FZD2: variants seen among roughly 807,000 people sequenced by gnomAD.
FZD2 encodes frizzled class receptor 2.
Under a neutral mutation model 36.7 loss-of-function variants are expected in FZD2, and 17 were observed. The observed-to-expected ratio is 0.46, with a 90% CI of 0.32 to 0.70. The LOEUF is 0.70. Among genes scored for constraint, FZD2 ranks in the 30% least tolerant of loss-of-function variants. The pLI, the probability that FZD2 is intolerant of heterozygous loss-of-function variation, is 0.04. For missense variants in FZD2, 525 were observed against 805.6 expected (o/e 0.65, Z 4.22); for synonymous variants, 333 against 359.6 (o/e 0.93, Z 0.84).
In FZD2 at chr17:44,558,187, G is replaced by C; in HGVS notation, c.499G>C (p.Ala167Pro). 6.7e-7 allele frequency: 1 copy of C among 1,499,396 alleles called. No homozygotes were observed. Among genetic ancestry groups the C allele is most frequent in the South Asian group, 1.3e-5 (1 of 75,520 alleles). 92.9% of individuals were successfully genotyped at this position (1,499,396 alleles called of 1,614,324 possible). The change falls in exon 1 of 1, where the codon GCG becomes CCG. Residue 167 changes from alanine to proline, a missense_variant. Ala to Pro is a conservative substitution (Grantham distance 27). Around this residue, in one of 5 missense-constraint regions of FZD2, gnomAD observed 257 missense variants for 344.4 expected, o/e 0.75. Transcript: ENST00000315323. This position sits in a 1 kb window ranked among gnomAD's most constrained non-coding sequence, Gnocchi z 9.3. ...CGGAGCTCCCGCGCTACTCACCACC[G>C]CGCCGCCGCCGGGACTGCAGCCGGG... is the stretch of plus-strand genomic sequence containing the variant. Reference protein sequence around the residue: ...EDGAPALLTTAPPPGLQPGAG... With the variant: ...EDGAPALLTTPPPPGLQPGAG...
Position 44,560,954 on chromosome 17 carries a change from T to C in FZD2, c.*1568T>C, listed in dbSNP as rs1970881632. Among the ~76,000 whole-genome samples the C allele has an allele frequency of 6.6e-6, 1 of 152,216 alleles. No individual in the cohort carries two copies. Among genetic ancestry groups the C allele is most frequent in the Non-Finnish European group, 1.5e-5 (1 of 68,038 alleles). On this transcript the variant is annotated 3_prime_UTR_variant, in exon 1 of 1. Coordinates refer to ENST00000315323, the MANE Select transcript of FZD2 (RefSeq NM_001466.4). ...TGGTCTCGAACTCCTGACCTCGTTA[T>C]CTGCCTGCCTCGGCCTCCTAAAGTG...
rs758473079 is a variant in FZD2 at position 44,558,378 on chromosome 17, C to G, written c.690C>G (p.Pro230=). The change falls in exon 1 of 1, where the codon CCC becomes CCG. Residue 230 remains proline, a synonymous_variant. Transcript: ENST00000315323. This position sits in a 1 kb window ranked among gnomAD's most constrained non-coding sequence, Gnocchi z 9.3. ...CTGCGCCCTGCGAACCTGCGCGGCC[C>G]GATGGTTCCATGTTCTTCTCACAGG... ...DCAAPCEPAR[P]DGSMFFSQEE... 4.5e-6 allele frequency: 7 copies of G among 1,539,482 alleles called. No homozygotes were observed. The highest frequency in any genetic ancestry group is 6.1e-6 in the Non-Finnish European group (7 of 1,148,530).
Position 44,559,551 on chromosome 17 carries a change from A to ACT in FZD2, c.*165_*166insCT, listed in dbSNP as rs1970865729. The ACT allele has an allele frequency of 1.3e-6, 1 of 795,156 alleles. No individual in the cohort carries two copies. Among genetic ancestry groups the ACT allele is most frequent in the Non-Finnish European group, 1.8e-6 (1 of 559,414 alleles). The allele number at this position is 795,156 out of a possible 1,614,324, so 49.3% of individuals were successfully genotyped here. ...TGCCCAACACCCCCACAAGGTTTGT[A>ACT]ATTAAAACTGTAAATAGTCTTTGTA... is the stretch of plus-strand genomic sequence containing the variant. On this transcript the variant is annotated 3_prime_UTR_variant, in exon 1 of 1. Transcript: ENST00000315323. This position sits in a 1 kb window ranked among gnomAD's most constrained non-coding sequence, Gnocchi z 4.4.
At position 44,557,706 on chromosome 17, in the gene FZD2, C is replaced by T. The variant is rs1378327801; in HGVS notation, c.18C>T (p.Ala6=). MRPRS[A]LPRLLLPLLL... is the part of the protein sequence containing the mutation. ...CGGCCAGCATGCGGCCCCGCAGCGC[C>T]CTGCCCCGCCTGCTGCTGCCGCTGC... is the stretch of plus-strand genomic sequence containing the variant. Residue 6 remains alanine, a synonymous_variant, in exon 1 of 1, where the codon GCC becomes GCT. Coordinates refer to ENST00000315323, the MANE Select transcript of FZD2 (RefSeq NM_001466.4). This position sits in a 1 kb window ranked among gnomAD's most constrained non-coding sequence, Gnocchi z 4.9. 6 of 1,548,368 alleles carry T rather than the reference C, an allele frequency of 3.9e-6. No homozygotes were observed. The highest frequency in any genetic ancestry group is 1.2e-5 in the South Asian group (1 of 83,266).
In FZD2 at chr17:44,559,826, T is replaced by C. The variant is rs1239964503; in HGVS notation, c.*440T>C. ...TGTTGGCTTTGAGTCGTTAGGAGTTTGTTCCATTCAACTAATATAAAAGCC... is the reference window on the plus strand; with the variant it reads ...TGTTGGCTTTGAGTCGTTAGGAGTTCGTTCCATTCAACTAATATAAAAGCC... On this transcript the variant is annotated 3_prime_UTR_variant, in exon 1 of 1. Coordinates refer to ENST00000315323, the MANE Select transcript of FZD2 (RefSeq NM_001466.4). This position sits in a 1 kb window ranked among gnomAD's most constrained non-coding sequence, Gnocchi z 4.4. Among the ~76,000 whole-genome samples the C allele has an allele frequency of 6.6e-6, 1 of 152,202 alleles. No individual in the cohort carries two copies. The highest frequency in any genetic ancestry group is 2.4e-5 in the African/African-American group (1 of 41,450).
At position 44,558,268 on chromosome 17, in the gene FZD2, A is replaced by C; in HGVS notation, c.580A>C (p.Thr194Pro). The C allele has an allele frequency of 7.0e-7, 1 of 1,418,566 alleles. No individual in the cohort carries two copies. Among genetic ancestry groups the C allele is most frequent in the Non-Finnish European group, 9.2e-7 (1 of 1,091,588 alleles). 87.9% of individuals were successfully genotyped at this position (1,418,566 alleles called of 1,614,324 possible). A position where few individuals can be genotyped will look rare whatever the true frequency, so the allele number is the denominator to read the frequency against. ...CGGCGGCGCTCCCCCGCGCTACGCC[A>C]CGCTGGAGCACCCCTTCCACTGCCC... ...GGGGAPPRYA[T>P]LEHPFHCPRV... The change falls in exon 1 of 1, where the codon ACG becomes CCG. Residue 194 changes from threonine to proline, a missense_variant. Physicochemically the swap from Thr to Pro is conservative, Grantham distance 38. Around this residue, in one of 5 missense-constraint regions of FZD2, gnomAD observed 257 missense variants for 344.4 expected, o/e 0.75. Transcript: ENST00000315323. The surrounding 1 kb of genome is among the most constrained non-coding windows in gnomAD (Gnocchi z 9.3).
Position 44,558,456 on chromosome 17 carries a change from C to T in FZD2, c.768C>T (p.Cys256=), listed in dbSNP as rs369254941. The T allele has an allele frequency of 2.0e-4, 321 of 1,588,238 alleles. 1 individual carries two copies. The highest frequency in any genetic ancestry group is 2.7e-4 in the Non-Finnish European group (311 of 1,168,432). Residue 256 remains cysteine (C), a synonymous_variant, in exon 1 of 1, where the codon TGC becomes TGT. Transcript: ENST00000315323. The surrounding 1 kb of genome is among the most constrained non-coding windows in gnomAD (Gnocchi z 9.3). ...TCCTCACCTGGTCGGTGCTGTGCTGCGCTTCCACCTTCTTCACTGTCACCA... is the reference window on the plus strand; with the variant it reads ...TCCTCACCTGGTCGGTGCTGTGCTGTGCTTCCACCTTCTTCACTGTCACCA... ...LWILTWSVLC[C]ASTFFTVTTY...
Position 44,558,045 on chromosome 17 carries a change from G to A in FZD2, c.357G>A (p.Gln119=). ...PCRSICERAR[Q]GCEALMNKFG... is the part of the protein sequence containing the mutation. ...GCTCTATCTGTGAGCGCGCGCGCCA[G>A]GGCTGCGAAGCCCTCATGAACAAGT... The change falls in exon 1 of 1, where the codon CAG becomes CAA. Residue 119 remains glutamine, a synonymous_variant. Coordinates refer to ENST00000315323, the MANE Select transcript of FZD2 (RefSeq NM_001466.4). The surrounding 1 kb of genome is among the most constrained non-coding windows in gnomAD (Gnocchi z 9.3). 6.2e-7 allele frequency: 1 copy of A among 1,612,332 alleles called. No homozygotes were observed. Among genetic ancestry groups the A allele is most frequent in the Admixed American group, 1.7e-5 (1 of 60,036 alleles).
At position 44,557,715 on chromosome 17, in the gene FZD2, C is replaced by T; in HGVS notation, c.27C>T (p.Arg9=). 5 of 1,583,012 alleles carry T rather than the reference C, an allele frequency of 3.2e-6. No individual in the cohort carries two copies. The highest frequency in any genetic ancestry group is 4.3e-6 in the Non-Finnish European group (5 of 1,166,476). Residue 9 remains arginine, a synonymous_variant, in exon 1 of 1, where the codon CGC becomes CGT. Transcript: ENST00000315323. The surrounding 1 kb of genome is among the most constrained non-coding windows in gnomAD (Gnocchi z 4.9). ...TGCGGCCCCGCAGCGCCCTGCCCCG[C>T]CTGCTGCTGCCGCTGCTGCTGCTGC... MRPRSALP[R]LLLPLLLLPA...
At position 44,558,849 on chromosome 17, in the gene FZD2, C is replaced by T. The variant is rs762262772; in HGVS notation, c.1161C>T (p.Ile387=). The T allele has an allele frequency of 3.1e-5, 50 of 1,613,690 alleles. No individual in the cohort carries two copies. In the Admixed American group the frequency reaches 7.7e-4, roughly 25 times the overall value. ...WAVPAVKTIT[I]LAMGQIDGDL... Reference sequence around the variant, plus strand: ...TGCCGGCCGTCAAGACCATCACCATCCTGGCCATGGGCCAGATCGACGGCG... The same window carrying T: ...TGCCGGCCGTCAAGACCATCACCATTCTGGCCATGGGCCAGATCGACGGCG... Residue 387 remains isoleucine, a synonymous_variant, in exon 1 of 1, where the codon ATC becomes ATT. Transcript: ENST00000315323. The surrounding 1 kb of genome is among the most constrained non-coding windows in gnomAD (Gnocchi z 9.3).
Position 44,558,523 on chromosome 17 carries a change from C to T in FZD2, c.835C>T (p.Pro279Ser), listed in dbSNP as rs1970853634. Reference protein sequence around the residue: ...DMQRFRYPERPIIFLSGCYTM... With the variant: ...DMQRFRYPERSIIFLSGCYTM... ...GCAGCGCTTCCGCTACCCAGAGCGGCCTATCATTTTTCTGTCGGGCTGCTA... is the reference window on the plus strand; with the variant it reads ...GCAGCGCTTCCGCTACCCAGAGCGGTCTATCATTTTTCTGTCGGGCTGCTA... The change falls in exon 1 of 1, where the codon CCT (proline) becomes TCT (serine). Residue 279 changes from proline to serine, a missense_variant. By Grantham distance (74) the Pro-to-Ser change is moderately conservative. Coordinates refer to ENST00000315323, the MANE Select transcript of FZD2 (RefSeq NM_001466.4). This position sits in a 1 kb window ranked among gnomAD's most constrained non-coding sequence, Gnocchi z 9.3. 6.3e-7 allele frequency: 1 copy of T among 1,587,514 alleles called. No homozygotes were observed. The highest frequency in any genetic ancestry group is 1.2e-5 in the South Asian group (1 of 86,496).
Position 44,557,717 on chromosome 17 carries a change from T to TGCTGCTGCC in FZD2, c.38_46dup (p.Pro13_Leu15dup). ...CGGCCCCGCAGCGCCCTGCCCCGCC[T>TGCTGCTGCC]GCTGCTGCCGCTGCTGCTGCTGCCC... On this transcript the variant is annotated inframe_insertion, in exon 1 of 1. Coordinates refer to ENST00000315323, the MANE Select transcript of FZD2 (RefSeq NM_001466.4). This position sits in a 1 kb window ranked among gnomAD's most constrained non-coding sequence, Gnocchi z 4.9. The TGCTGCTGCC allele has an allele frequency of 1.3e-6, 2 of 1,588,772 alleles. No individual in the cohort carries two copies. The highest frequency in any genetic ancestry group is 1.7e-6 in the Non-Finnish European group (2 of 1,169,194).
chr17:44,558,187 GCGC>G lies in FZD2; in HGVS notation c.508_510del (p.Pro170del). The G allele has an allele frequency of 1.3e-6, 2 of 1,499,396 alleles. No homozygotes were observed. Among genetic ancestry groups the G allele is most frequent in the Non-Finnish European group, 1.8e-6 (2 of 1,129,224 alleles). 92.9% of individuals were successfully genotyped at this position (1,499,396 alleles called of 1,614,324 possible). ...CGGAGCTCCCGCGCTACTCACCACCGCGCCGCCGCCGGGACTGCAGCCGGGTGC... is the reference window on the plus strand; with the variant it reads ...CGGAGCTCCCGCGCTACTCACCACCGCGCCGCCGGGACTGCAGCCGGGTGC... On this transcript the variant is annotated inframe_deletion, in exon 1 of 1. Transcript: ENST00000315323. The surrounding 1 kb of genome is among the most constrained non-coding windows in gnomAD (Gnocchi z 9.3).
At position 44,559,032 on chromosome 17, in the gene FZD2, C is replaced by G. The variant is rs765137220; in HGVS notation, c.1344C>G (p.Asp448Glu). 6.2e-7 allele frequency: 1 copy of G among 1,614,062 alleles called. No homozygotes were observed. Among genetic ancestry groups the G allele is most frequent in the Non-Finnish European group, 8.5e-7 (1 of 1,180,044 alleles). Residue 448 changes from aspartate to glutamate, a missense_variant, in exon 1 of 1, where the codon GAC becomes GAG. Physicochemically the swap from Asp to Glu is conservative, Grantham distance 45. Around this residue, in one of 5 missense-constraint regions of FZD2, gnomAD observed 189 missense variants for 298.1 expected, o/e 0.63. Coordinates refer to ENST00000315323, the MANE Select transcript of FZD2 (RefSeq NM_001466.4). This position sits in a 1 kb window ranked among gnomAD's most constrained non-coding sequence, Gnocchi z 4.4. ...LFRIRTIMKH[D>E]GTKTEKLERL... is the part of the protein sequence containing the mutation. Reference sequence around the variant, plus strand: ...GCATCCGCACCATCATGAAGCACGACGGCACCAAGACCGAAAAGCTGGAGC... The same window carrying G: ...GCATCCGCACCATCATGAAGCACGAGGGCACCAAGACCGAAAAGCTGGAGC...
At position 44,559,454 on chromosome 17, in the gene FZD2, T is replaced by C; in HGVS notation, c.*68T>C. ...CGGGGTGGGGCCCCTACAGACTCCGTATTTTATTTTTTTAAATAAAAAACG... is the reference window on the plus strand; with the variant it reads ...CGGGGTGGGGCCCCTACAGACTCCGCATTTTATTTTTTTAAATAAAAAACG... On this transcript the variant is annotated 3_prime_UTR_variant, in exon 1 of 1. Transcript: ENST00000315323. The surrounding 1 kb of genome is among the most constrained non-coding windows in gnomAD (Gnocchi z 4.4). 1 of 1,439,580 alleles carries C rather than the reference T, an allele frequency of 6.9e-7. No individual in the cohort carries two copies. Among genetic ancestry groups the C allele is most frequent in the Non-Finnish European group, 9.1e-7 (1 of 1,098,932 alleles). The allele number at this position is 1,439,580 out of a possible 1,614,324, so 89.2% of individuals were successfully genotyped here.
Position 44,559,558 on chromosome 17 carries a change from A to C in FZD2, c.*172A>C. ...CACCCCCACAAGGTTTGTAATTAAA[A>C]CTGTAAATAGTCTTTGTAAATTTAA... On this transcript the variant is annotated 3_prime_UTR_variant, in exon 1 of 1. Coordinates refer to ENST00000315323, the MANE Select transcript of FZD2 (RefSeq NM_001466.4). This position sits in a 1 kb window ranked among gnomAD's most constrained non-coding sequence, Gnocchi z 4.4. 9 of 719,752 alleles carry C rather than the reference A, an allele frequency of 1.3e-5. No individual in the cohort carries two copies. Among genetic ancestry groups the C allele is most frequent in the East Asian group, 6.6e-5 (2 of 30,524 alleles). 44.6% of individuals were successfully genotyped at this position (719,752 alleles called of 1,614,324 possible).
chr17:44,559,545 G>T lies in FZD2; in HGVS notation c.*159G>T, dbSNP rs937360675. The stretch of plus-strand genomic sequence containing the variant: ...ACTCTCTGCCCAACACCCCCACAAG[G>T]TTTGTAATTAAAACTGTAAATAGTC... On this transcript the variant is annotated 3_prime_UTR_variant, in exon 1 of 1. Coordinates refer to ENST00000315323, the MANE Select transcript of FZD2 (RefSeq NM_001466.4). This position sits in a 1 kb window ranked among gnomAD's most constrained non-coding sequence, Gnocchi z 4.4. 6 of 897,722 alleles carry T rather than the reference G, an allele frequency of 6.7e-6. 1 individual carries two copies. In the African/African-American group the frequency reaches 1.0e-4, roughly 15 times the overall value. 55.6% of individuals were successfully genotyped at this position (897,722 alleles called of 1,614,324 possible). A position where few individuals can be genotyped will look rare whatever the true frequency, so the allele number is the denominator to read the frequency against.
rs1254727248 is a variant in FZD2 at position 44,560,010 on chromosome 17, AC to A, written c.*625del. Among the ~76,000 whole-genome samples, 5 of 144,006 alleles carry A rather than the reference AC, an allele frequency of 3.5e-5. No homozygotes were observed. The highest frequency in any genetic ancestry group is 1.3e-4 in the African/African-American group (5 of 37,364). 94.5% of individuals were successfully genotyped at this position (144,006 alleles called of 152,430 possible). The stretch of plus-strand genomic sequence containing the variant: ...TGGAAAAGTCCCAACAGAGATGAAG[AC>A]GTGGAAAAAAAAATCGGGGTCGGGG... On this transcript the variant is annotated 3_prime_UTR_variant, in exon 1 of 1. Coordinates refer to ENST00000315323, the MANE Select transcript of FZD2 (RefSeq NM_001466.4).
Position 44,558,126 on chromosome 17 carries a change from C to G in FZD2, c.438C>G (p.Ala146=), listed in dbSNP as rs201241608. ...LRCEHFPRHG[A]EQICVGQNHS... is the part of the protein sequence containing the mutation. ...GCGAGCACTTCCCGCGCCACGGCGC[C>G]GAGCAGATCTGCGTCGGCCAGAACC... Residue 146 remains alanine (A), a synonymous_variant, in exon 1 of 1, where the codon GCC becomes GCG. Transcript: ENST00000315323. This position sits in a 1 kb window ranked among gnomAD's most constrained non-coding sequence, Gnocchi z 9.3. The G allele has an allele frequency of 6.2e-6, 10 of 1,606,810 alleles. No homozygotes were observed. Among genetic ancestry groups the G allele is most frequent in the African/African-American group, 4.0e-5 (3 of 74,882 alleles).
Sources: gnomAD v4.1 joint callset for allele counts (sites outside exome capture counted in the v4.1 genomes callset) on GRCh38, gnomAD v4.1.1 for gene constraint, gnomAD v4.1.1 regional missense constraint, Gnocchi (gnomAD v3.1) non-coding constraint, MANE v1.5 for transcripts, NCBI Gene and HGNC (gene_info 2026-07-23, HGNC 2026-07-21) for gene names.